LTV1: variants seen among roughly 807,000 people sequenced by gnomAD.
LTV1 encodes the protein LTV1 ribosome biogenesis factor.
A neutral mutation model predicts 59.9 loss-of-function variants in LTV1; 39 were observed. That is an observed-to-expected ratio of 0.65 (90% CI 0.50 to 0.85). The LOEUF is 0.85. Among genes scored for constraint, LTV1 ranks in the 40% least tolerant of loss-of-function variants. The probability of loss-of-function intolerance (pLI) is 0.00; values close to 1 mark genes in which losing one functional copy is unlikely to be tolerated. For synonymous variants in LTV1, 171 were observed against 189.5 expected, an observed-to-expected ratio of 0.90 and a Z score of 0.80; for missense variants, 493 against 549.1, an observed-to-expected ratio of 0.90 and a Z score of 1.02.
At chr6:143,854,944 C>A (rs9496782) in intron 4 of LTV1, among the ~76,000 whole-genome samples, 10 of 152,122 alleles carry the variant, frequency 6.6e-5, no homozygotes, top group African/African-American at 2.2e-4. Flanking sequence ...TGGAGAGTTA[C>A]GTCACTGTCT....
In LTV1 at chr6:143,857,740, C is replaced by G. The variant is rs1193672041; in HGVS notation, c.540-12C>G. ...AGTTGTTTTGGTAGGTAATTTATGA[C>G]CTTTACTTTAGGAAATCTGAGAATG... On this transcript the variant is annotated splice_polypyrimidine_tract_variant and intron_variant, in intron 5 of 10. Coordinates refer to ENST00000367576, the MANE Select transcript of LTV1 (RefSeq NM_032860.5). This position sits in a 1 kb window ranked among gnomAD's most constrained non-coding sequence, Gnocchi z 5.2. 3.1e-6 allele frequency: 5 copies of G among 1,613,456 alleles called. No individual in the cohort carries two copies. The highest frequency in any genetic ancestry group is 4.2e-6 in the Non-Finnish European group (5 of 1,179,668).
intron 4 of LTV1, among the ~76,000 whole-genome samples, chr6:143,854,921 T>C (rs1480764971): frequency 1.3e-5 from 2 of 152,198 alleles, no homozygotes; most frequent in South Asian, 2.1e-4. Flanking sequence ...ATGTATATTC[T>C]GTTGATTTGG....
rs769488879 is a variant in LTV1 at position 143,863,103 on chromosome 6, A to G, written c.1134A>G (p.Ile378Met). The G allele has an allele frequency of 3.7e-6, 6 of 1,613,798 alleles. No homozygotes were observed. The highest frequency in any genetic ancestry group is 3.3e-5 in the South Asian group (3 of 90,998). ...TATTTCAGCCCAAACAAATTCGAAT[A>G]TCTTCTAAAACAGGAATACCTCTCA... ...KYQPKPKQIRISSKTGIPLNV... is the reference protein window; with the variant it reads ...KYQPKPKQIRMSSKTGIPLNV... The change falls in exon 10 of 11, where the codon ATA becomes ATG. Residue 378 changes from isoleucine to methionine, a missense_variant. Coordinates refer to ENST00000367576, the MANE Select transcript of LTV1 (RefSeq NM_032860.5). This position sits in a 1 kb window ranked among gnomAD's most constrained non-coding sequence, Gnocchi z 4.5.
chr6:143,863,480 A>G lies in LTV1; in HGVS notation c.1381A>G (p.Lys461Glu). 1 of 1,613,888 alleles carries G rather than the reference A, an allele frequency of 6.2e-7. No individual in the cohort carries two copies. Among genetic ancestry groups the G allele is most frequent in the Non-Finnish European group, 8.5e-7 (1 of 1,179,908 alleles). Reference sequence around the variant, plus strand: ...TAAACTGGAGAAAAGAAGGCAAGAAAAAGAGCTGCTGAACTTGAAGAAGAA... The same window carrying G: ...TAAACTGGAGAAAAGAAGGCAAGAAGAAGAGCTGCTGAACTTGAAGAAGAA... ...AFKLEKRRQE[K>E]ELLNLKKNVE... The change falls in exon 11 of 11, where the codon AAA (lysine) becomes GAA (glutamate). Residue 461 changes from lysine (K) to glutamate (E), a missense_variant. By Grantham distance (56) the Lys-to-Glu change is moderately conservative. Coordinates refer to ENST00000367576, the MANE Select transcript of LTV1 (RefSeq NM_032860.5). This position sits in a 1 kb window ranked among gnomAD's most constrained non-coding sequence, Gnocchi z 4.5.
Position 143,843,400 on chromosome 6 carries a change from C to G in LTV1, c.-78C>G, listed in dbSNP as rs979010150. On this transcript the variant is annotated 5_prime_UTR_variant, in exon 1 of 11. Transcript: ENST00000367576. The stretch of plus-strand genomic sequence containing the variant: ...TGAGGCCTACAGAAGCGGCCTTCAG[C>G]TGGACCTTGGTCTCCCCGCCGGACT... The G allele has an allele frequency of 2.5e-6, 4 of 1,590,518 alleles. No individual in the cohort carries two copies. The highest frequency in any genetic ancestry group is 1.3e-5 in the African/African-American group (1 of 74,540).
chr6:143,848,292 G>A (rs1240010721), intron 3 of LTV1, among the ~76,000 whole-genome samples: 1 of 152,160 alleles, frequency 6.6e-6, no homozygotes, highest in Non-Finnish European at 1.5e-5. Context: ...AATTAATAAT[G>A]TAATATCCTT....
intron 3 of LTV1, 93 bp downstream of exon 3, chr6:143,846,317 T>C: frequency 8.3e-7 from 1 of 1,200,696 alleles, no homozygotes; most frequent in South Asian, 1.5e-5. Flanking sequence ...GGTGTCCGTA[T>C]GAAGAGCACA....
rs182605404 is a variant in LTV1, at chr6:143,849,553, A to G, written c.310-578A>G. Among the ~76,000 whole-genome samples the G allele has an allele frequency of 9.8e-5, 15 of 152,286 alleles. No homozygotes were observed. In the East Asian group the frequency reaches 2.7e-3, roughly 27 times the overall value. ...GGATAAATGGAATAATTTGCTAGAG[A>G]AGGCATTGTGATGTATTATAGAGAG... is the stretch of plus-strand genomic sequence containing the variant. On this transcript the variant is annotated intron_variant, in intron 3 of 10. Transcript: ENST00000367576.
chr6:143,854,652 T>C (rs146255421), intron 4 of LTV1, among the ~76,000 whole-genome samples: 62 of 152,366 alleles, frequency 4.1e-4, no homozygotes, highest in African/African-American at 1.4e-3. Flanking sequence ...TGTGTCTTTT[T>C]TCTCATTGGT....
intron 6 of LTV1, among the ~76,000 whole-genome samples, chr6:143,858,930 A>G (rs988764532): frequency 2.0e-5 from 3 of 152,162 alleles, no homozygotes; most frequent in Non-Finnish European, 2.9e-5. Context: ...TTCCCTTTAC[A>G]TATTCTATGA....
At chr6:143,852,025 A>G (rs1450669999) in intron 4 of LTV1, among the ~76,000 whole-genome samples, 1 of 152,204 alleles carries the variant, frequency 6.6e-6, no homozygotes, top group East Asian at 1.9e-4. Context: ...ACAGTGCTAC[A>G]ATAAACCTAC....
At chr6:143,860,656 C>A in intron 7 of LTV1, 103 bp downstream of exon 7, 4 of 965,480 alleles carry the variant, frequency 4.1e-6, no homozygotes, top group Non-Finnish European at 5.8e-6. Context: ...AAAAATTAAC[C>A]TAGTCAAAAT....
intron 1 of LTV1, 46 bp from the exon 2 acceptor site, chr6:143,844,440 T>A (rs1326213091): frequency 6.2e-7 from 1 of 1,601,944 alleles, no homozygotes; most frequent in Non-Finnish European, 8.5e-7. Flanking sequence ...ATTCTCCGTC[T>A]TTTTGTTCTG....
intron 4 of LTV1, among the ~76,000 whole-genome samples, chr6:143,854,811 CTGTT>C (rs1445924738): frequency 6.6e-6 from 1 of 152,144 alleles, no homozygotes; most frequent in Non-Finnish European, 1.5e-5. Context: ...GTCTGAGAGA[CTGTT>C]TGTTATGATT....
chr6:143,845,361 C>G (rs972712599), intron 2 of LTV1, among the ~76,000 whole-genome samples: 12 of 151,952 alleles, frequency 7.9e-5, no homozygotes, highest in African/African-American at 2.9e-4. Flanking sequence ...GGTTTTTTTG[C>G]ATATAAATAC....
chr6:143,843,410 G>C lies in LTV1; in HGVS notation c.-68G>C, dbSNP rs1776831939. ...AGAAGCGGCCTTCAGCTGGACCTTG[G>C]TCTCCCCGCCGGACTTCGAGGGTGT... On this transcript the variant is annotated 5_prime_UTR_variant, in exon 1 of 11. Coordinates refer to ENST00000367576, the MANE Select transcript of LTV1 (RefSeq NM_032860.5). 9.3e-6 allele frequency: 15 copies of C among 1,607,094 alleles called. No individual in the cohort carries two copies. The highest frequency in any genetic ancestry group is 6.6e-5 in the South Asian group (6 of 91,018).
chr6:143,846,268 A>G lies in LTV1; in HGVS notation c.309+44A>G, dbSNP rs923391230. 2.2e-5 allele frequency: 34 copies of G among 1,563,136 alleles called. No homozygotes were observed. The Admixed American group carries it at 3.8e-4, about 18-fold the overall frequency. ...TTAATTGTGGGAGTGAGGTGAAGAA[A>G]TCATTTTTGAATCAAGATATCTGTT... On this transcript the variant is annotated intron_variant, in intron 3 of 10. Coordinates refer to ENST00000367576, the MANE Select transcript of LTV1 (RefSeq NM_032860.5).
chr6:143,844,438 T>C, intron 1 of LTV1, 48 bp from the exon 2 acceptor site: 1 of 1,599,130 alleles, frequency 6.3e-7, no homozygotes, highest in Non-Finnish European at 8.6e-7. Context: ...TTATTCTCCG[T>C]CTTTTTGTTC....
At position 143,863,509 on chromosome 6, in the gene LTV1, TGAG is replaced by T; in HGVS notation, c.1412_1414del (p.Glu471del). On this transcript the variant is annotated inframe_deletion, in exon 11 of 11. Transcript: ENST00000367576. The surrounding 1 kb of genome is among the most constrained non-coding windows in gnomAD (Gnocchi z 4.5). ...AGCTGCTGAACTTGAAGAAGAATGT[TGAG>T]GGTCTAAAGCTATAGACAGTGGAGC... 6.2e-7 allele frequency: 1 copy of T among 1,613,198 alleles called. No individual in the cohort carries two copies. Among genetic ancestry groups the T allele is most frequent in the East Asian group, 2.2e-5 (1 of 44,838 alleles).
Sources: gnomAD v4.1 joint callset for allele counts (sites outside exome capture counted in the v4.1 genomes callset) on GRCh38, gnomAD v4.1.1 for gene constraint, Gnocchi (gnomAD v3.1) non-coding constraint, MANE v1.5 for transcripts, NCBI Gene and HGNC (gene_info 2026-07-23, HGNC 2026-07-21) for gene names.